Variants in CEMIP observed in about 807,000 individuals in gnomAD.
The protein encoded by CEMIP is cell migration-inducing and hyaluronan-binding protein.
In CEMIP, 105 loss-of-function variants were observed where a neutral mutation model predicts 156.9. The ratio of observed to expected loss-of-function variants is 0.67; its 90% CI spans 0.57 to 0.79. The LOEUF is 0.79. CEMIP is among the 30% of genes least tolerant of loss of function. The pLI, the probability that CEMIP is intolerant of heterozygous loss-of-function variation, is 0.00. For synonymous variants in CEMIP, 676 were observed against 668.4 expected (o/e 1.01, Z -0.17); for missense variants, 1,457 against 1,769.4 (o/e 0.82, Z 3.17).
chr15:80,816,862 C>T (rs1896798318), intron 1 of CEMIP, among the ~76,000 whole-genome samples: 1 of 152,114 alleles, frequency 6.6e-6, no homozygotes, highest in Non-Finnish European at 1.5e-5. Context: ...GCCTACAGTG[C>T]ACCGTTACTC....
At chr15:80,822,453 C>T (rs1381770072) in intron 1 of CEMIP, among the ~76,000 whole-genome samples, 1 of 152,204 alleles carries the variant, frequency 6.6e-6, no homozygotes, top group Non-Finnish European at 1.5e-5. Context: ...GTCTCTGAAA[C>T]GAGGGCCAGG....
intron 11 of CEMIP, 108 bp downstream of exon 11, chr15:80,895,230 G>A: frequency 6.7e-7 from 1 of 1,488,238 alleles, no homozygotes; most frequent in South Asian, 1.2e-5. Context: ...GCTCCCAAAG[G>A]AGAGCACTTT....
rs1899172867 is a variant in CEMIP at position 80,895,137 on chromosome 15, G to C, written c.1219+15G>C. 3 of 1,614,130 alleles carry C rather than the reference G, an allele frequency of 1.9e-6. No homozygotes were observed. Among genetic ancestry groups the C allele is most frequent in the South Asian group, 1.1e-5 (1 of 91,076 alleles). The stretch of plus-strand genomic sequence containing the variant: ...TGGGAAGCCTGGTAAGCAGCCCCTT[G>C]TCGGGGACACAGATGCAACTATGGC... On this transcript the variant is annotated intron_variant, in intron 11 of 29. Transcript: ENST00000394685.
intron 1 of CEMIP, among the ~76,000 whole-genome samples, chr15:80,804,160 C>G (rs1896451081): frequency 6.6e-6 from 1 of 152,142 alleles, no homozygotes; most frequent in Non-Finnish European, 1.5e-5. Context: ...CCACCAGGTC[C>G]CTTTCACAAT....
intron 1 of CEMIP, among the ~76,000 whole-genome samples, chr15:80,814,864 T>A (rs1026447103): frequency 1.3e-5 from 2 of 152,224 alleles, no homozygotes; most frequent in Non-Finnish European, 2.9e-5. Context: ...TTTCTCTCCT[T>A]TTTTAAGAGA....
intron 12 of CEMIP, among the ~76,000 whole-genome samples, chr15:80,897,602 G>A (rs1197586983): frequency 6.6e-6 from 1 of 152,206 alleles, no homozygotes; most frequent in Non-Finnish European, 1.5e-5. Context: ...AAGATGACTA[G>A]ACATTTGTTC....
intron 1 of CEMIP, among the ~76,000 whole-genome samples, chr15:80,799,233 T>C (rs1301521168): frequency 6.6e-6 from 1 of 152,224 alleles, no homozygotes; most frequent in African/African-American, 2.4e-5. Flanking sequence ...ACTAAGGATT[T>C]AGCCAAGTGA....
chr15:80,875,698 C>G (rs1005960103), intron 3 of CEMIP, among the ~76,000 whole-genome samples: 1 of 152,196 alleles, frequency 6.6e-6, no homozygotes, highest in Non-Finnish European at 1.5e-5. Context: ...GGCTTGCACT[C>G]CCTCTCAATC....
rs770091832 is a variant in CEMIP, at chr15:80,931,987, G to A, written c.2741G>A (p.Trp914Ter). 1 of 1,614,156 alleles carries A rather than the reference G, an allele frequency of 6.2e-7. No homozygotes were observed. The highest frequency in any genetic ancestry group is 1.7e-5 in the Admixed American group (1 of 60,030). The change falls in exon 22 of 30, where the codon TGG (tryptophan) becomes TAG (stop). Residue 914 changes from tryptophan (W) to a stop codon, truncating the protein, a stop_gained. Coordinates refer to ENST00000394685, the MANE Select transcript of CEMIP (RefSeq NM_001293298.2). LOFTEE classifies it high-confidence loss of function. ...SALAFRLNNAWQSCPHNNVTG... is the reference protein window; with the variant it reads ...SALAFRLNNA ...CTGGCCTTCCGCCTGAATAATGCCT[G>A]GCAGAGCTGCCCCCATAACAACGTG... is the stretch of plus-strand genomic sequence containing the variant.
At chr15:80,944,678 C>T (rs1022449432) in intron 28 of CEMIP, among the ~76,000 whole-genome samples, 18 of 152,152 alleles carry the variant, frequency 1.2e-4, no homozygotes, top group African/African-American at 3.9e-4. Flanking sequence ...GATGCTTCTT[C>T]GGCATTCTAT....
At chr15:80,795,543 G>A (rs1483856016) in intron 1 of CEMIP, among the ~76,000 whole-genome samples, 1 of 152,150 alleles carries the variant, frequency 6.6e-6, no homozygotes, top group African/African-American at 2.4e-5. Flanking sequence ...GTGGATGTTA[G>A]GAAGACTAGA....
chr15:80,841,691 C>T (rs549859492), intron 1 of CEMIP, among the ~76,000 whole-genome samples: 41 of 152,314 alleles, frequency 2.7e-4, no homozygotes, highest in Admixed American at 1.7e-3. Flanking sequence ...TGGTAGCTGC[C>T]GGAGCCCTCC....
chr15:80,930,102 T>C lies in CEMIP; in HGVS notation c.2612+928T>C, dbSNP rs117316624. ...ATCAGCCCTTCTTGTCTGTCTGAGCTTTCTACTCTTTCTCTAGGAAGATAT... is the reference window on the plus strand; with the variant it reads ...ATCAGCCCTTCTTGTCTGTCTGAGCCTTCTACTCTTTCTCTAGGAAGATAT... On this transcript the variant is annotated intron_variant, in intron 21 of 29. Coordinates refer to ENST00000394685, the MANE Select transcript of CEMIP (RefSeq NM_001293298.2). Among the ~76,000 whole-genome samples the C allele has an allele frequency of 7.3e-3, 1,106 of 152,370 alleles. 11 individuals carry two copies. Among genetic ancestry groups the C allele is most frequent in the Non-Finnish European group, 8.7e-3 (594 of 68,030 alleles).
intron 16 of CEMIP, 128 bp downstream of exon 16, chr15:80,921,229 A>T: frequency 1.2e-6 from 1 of 852,630 alleles, no homozygotes; most frequent in African/African-American, 1.7e-5. Flanking sequence ...AGACGGGCTT[A>T]GCTGTGGTGA....
intron 17 of CEMIP, among the ~76,000 whole-genome samples, chr15:80,923,997 G>A (rs926474253): frequency 6.6e-6 from 1 of 152,154 alleles, no homozygotes; most frequent in African/African-American, 2.4e-5. Flanking sequence ...ATCTGAGTAT[G>A]AGCATTCACA....
chr15:80,886,317 G>T (rs1413886384), intron 7 of CEMIP, among the ~76,000 whole-genome samples: 1 of 152,118 alleles, frequency 6.6e-6, no homozygotes, highest in African/African-American at 2.4e-5. Context: ...GAGGCTGGAG[G>T]GGGGCGGGGG....
intron 1 of CEMIP, among the ~76,000 whole-genome samples, chr15:80,871,638 T>A (rs1206411098): frequency 2.6e-5 from 4 of 152,144 alleles, no homozygotes; most frequent in Non-Finnish European, 5.9e-5. Context: ...GTCATCTTCC[T>A]TTACCAAGGA....
At chr15:80,885,708 G>T (rs1596158546) in intron 7 of CEMIP, among the ~76,000 whole-genome samples, 1 of 152,300 alleles carries the variant, frequency 6.6e-6, no homozygotes. Context: ...TGTAAAATGG[G>T]ATATACGAGG....
At chr15:80,919,542 G>A (rs569708396) in intron 14 of CEMIP, among the ~76,000 whole-genome samples, 4 of 152,160 alleles carry the variant, frequency 2.6e-5, no homozygotes, top group African/African-American at 7.2e-5. Context: ...GGCACGGCGC[G>A]GTGGCTCACA....
Sources: allele counts gnomAD v4.1 joint callset (sites outside exome capture counted in the v4.1 genomes callset), GRCh38; gene constraint gnomAD v4.1.1; transcripts MANE v1.5; gene names NCBI Gene and HGNC (gene_info 2026-07-23, HGNC 2026-07-21).